COL10A1: variants seen among roughly 807,000 people sequenced by gnomAD.
The protein encoded by COL10A1 is collagen alpha-1(X) chain.
Under a neutral mutation model 18.2 loss-of-function variants are expected in COL10A1, and 10 were observed. The observed-to-expected ratio is 0.55, with a 90% confidence interval of 0.34 to 0.93. COL10A1 has a LOEUF of 0.93. Among genes scored for constraint, COL10A1 ranks in the 40% least tolerant of loss-of-function variants. The pLI is 0.02. For synonymous variants in COL10A1, 330 were observed against 316.6 expected (o/e 1.04, Z -0.45); for missense variants, 897 against 853.5 (o/e 1.05, Z -0.64).
At chr6:116,207,816 C>T in the COL10A1 span, among the ~76,000 whole-genome samples, 64,543 of 151,738 alleles carry the variant, frequency 0.43, 17,681 homozygotes, top group African/African-American at 0.78. Context: ...TATAAAGAGC[C>T]GCCCCAGGCT....
In COL10A1 at chr6:116,120,500, A is replaced by C; in HGVS notation, c.1616T>G (p.Leu539Arg). Residue 539 changes from leucine (L) to arginine (R), a missense_variant, in exon 3 of 3, where the codon CTT (leucine) becomes CGT (arginine). Coordinates refer to ENST00000651968, the MANE Select transcript of COL10A1 (RefSeq NM_000493.4). ...TGTTACCCCCTGGTTGGCACTAACA[A>C]GAGGGGTCCCAGAAAGACTGGGCCT... ...GQRPSLSGTP[L>R]VSANQGVTGM... 1.2e-6 allele frequency: 2 copies of C among 1,614,228 alleles called. No homozygotes were observed. The highest frequency in any genetic ancestry group is 1.7e-6 in the Non-Finnish European group (2 of 1,180,028).
rs59165804 is a variant in COL10A1 at position 116,147,000 on chromosome 6, AAT to A, written c.-16+11612_-16+11613del. ...TTTATATATGTATAAAATAATATAA[AAT>A]ATATATATATATTTTTAATCATGTA... On this transcript the variant is annotated intron_variant, in intron 1 of 1. Transcript: ENST00000418500. 2.7e-3 allele frequency among the ~76,000 whole-genome samples: 393 copies of A among 146,692 alleles called. 10 individuals carry two copies. In the South Asian group the frequency reaches 0.043, roughly 16 times the overall value.
upstream of COL10A1, among the ~76,000 whole-genome samples, chr6:116,130,109 A>G (rs768322851): frequency 4.6e-5 from 7 of 152,240 alleles, no homozygotes; most frequent in Non-Finnish European, 8.8e-5. Context: ...TGATTTTATC[A>G]TTTGTATTTT....
At position 116,120,413 on chromosome 6, in the gene COL10A1, G is replaced by A. The variant is rs191382529; in HGVS notation, c.1703C>T (p.Pro568Leu). ...ATACAAAATTTTATCAAATGGTATG[G>A]GAGTTCCTATTGCTGGGTAAGCTTT... is the stretch of plus-strand genomic sequence containing the variant. The part of the protein sequence containing the change: ...LSKAYPAIGT[P>L]IPFDKILYNR... Residue 568 changes from proline (P) to leucine (L), a missense_variant, in exon 3 of 3, where the codon CCC becomes CTC. Pro to Leu is a moderately conservative substitution (Grantham distance 98). Coordinates refer to ENST00000651968, the MANE Select transcript of COL10A1 (RefSeq NM_000493.4). The A allele has an allele frequency of 6.2e-6, 10 of 1,614,228 alleles. No individual in the cohort carries two copies. The Admixed American group carries it at 1.7e-4, about 27-fold the overall frequency.
the COL10A1 span, among the ~76,000 whole-genome samples, chr6:116,181,964 C>G: frequency 2.6e-5 from 4 of 151,940 alleles, no homozygotes; most frequent in African/African-American, 9.7e-5. Flanking sequence ...TTTTGGTGCA[C>G]CCATCACCTG....
At chr6:116,203,365 C>A in the COL10A1 span, among the ~76,000 whole-genome samples, 47 of 152,030 alleles carry the variant, frequency 3.1e-4, no homozygotes, top group Admixed American at 9.2e-4. Context: ...CCGCCAGAAG[C>A]TCTCTTCATG....
chr6:116,214,860 G>A, the COL10A1 span, among the ~76,000 whole-genome samples: 1 of 151,942 alleles, frequency 6.6e-6, no homozygotes, highest in Non-Finnish European at 1.5e-5. Flanking sequence ...TCACCATGGA[G>A]GCATAGACTC....
the COL10A1 span, among the ~76,000 whole-genome samples, chr6:116,171,194 G>A: frequency 1.3e-5 from 2 of 151,840 alleles, no homozygotes; most frequent in African/African-American, 2.4e-5. Context: ...TTATATTATT[G>A]TCACCACTAC....
intron 1 of COL10A1, among the ~76,000 whole-genome samples, chr6:116,143,999 A>T (rs1046871862): frequency 6.6e-6 from 1 of 152,158 alleles, no homozygotes; most frequent in African/African-American, 2.4e-5. Context: ...ACTTAGAAAG[A>T]TTAGGAGCTT....
chr6:116,194,091 G>A, the COL10A1 span, among the ~76,000 whole-genome samples: 2 of 151,884 alleles, frequency 1.3e-5, no homozygotes, highest in Non-Finnish European at 2.9e-5. Context: ...AATAAATAAA[G>A]TAAAAGCAAT....
the COL10A1 span, among the ~76,000 whole-genome samples, chr6:116,168,461 C>A: frequency 2.6e-5 from 4 of 151,884 alleles, no homozygotes; most frequent in African/African-American, 9.7e-5. Context: ...TTTTTCAATT[C>A]TCTGACAAAA....
chr6:116,182,492 C>T, the COL10A1 span, among the ~76,000 whole-genome samples: 4 of 152,128 alleles, frequency 2.6e-5, no homozygotes, highest in Admixed American at 1.3e-4. Context: ...TACTAGTTTA[C>T]ATACCCACCA....
At chr6:116,194,308 GT>G in the COL10A1 span, among the ~76,000 whole-genome samples, 3 of 152,080 alleles carry the variant, frequency 2.0e-5, no homozygotes, top group East Asian at 5.8e-4. Context: ...CACATTACTT[GT>G]TTTCACAACA....
intron 1 of COL10A1, among the ~76,000 whole-genome samples, chr6:116,134,439 A>G (rs1482282756): frequency 1.3e-5 from 2 of 152,182 alleles, no homozygotes; most frequent in Non-Finnish European, 2.9e-5. Flanking sequence ...TTCAAGGACT[A>G]TGGGTTATTT....
upstream of COL10A1, among the ~76,000 whole-genome samples, chr6:116,127,543 T>G (rs1251556756): frequency 1.3e-5 from 2 of 152,188 alleles, no homozygotes; most frequent in Non-Finnish European, 2.9e-5. Flanking sequence ...AATTATAATA[T>G]GTACTCTGCT....
At chr6:116,211,195 C>A in the COL10A1 span, among the ~76,000 whole-genome samples, 12 of 152,014 alleles carry the variant, frequency 7.9e-5, no homozygotes, top group South Asian at 6.2e-4. Context: ...TTCACCAGCT[C>A]TCACCGTTCC....
chr6:116,119,883 G>C lies in COL10A1; in HGVS notation c.*190C>G. Reference sequence around the variant, plus strand: ...ATTGCTAACTAGAAATTCAAGAGAGGCTTCACATACGTTTTTACGTTGCTG... The same window carrying C: ...ATTGCTAACTAGAAATTCAAGAGAGCCTTCACATACGTTTTTACGTTGCTG... On this transcript the variant is annotated 3_prime_UTR_variant, in exon 3 of 3. Coordinates refer to ENST00000651968, the MANE Select transcript of COL10A1 (RefSeq NM_000493.4). 1 of 601,292 alleles carries C rather than the reference G, an allele frequency of 1.7e-6. No homozygotes were observed. The highest frequency in any genetic ancestry group is 2.8e-5 in the East Asian group (1 of 36,072). 37.2% of individuals were successfully genotyped at this position (601,292 alleles called of 1,614,324 possible).
At chr6:116,154,272 C>T (rs1490801270) in intron 1 of COL10A1, among the ~76,000 whole-genome samples, 3 of 152,020 alleles carry the variant, frequency 2.0e-5, no homozygotes, top group Non-Finnish European at 2.9e-5. Flanking sequence ...AACAAAACAT[C>T]AACATAGCTG....
At chr6:116,131,437 G>A (rs1301805974) in intron 1 of COL10A1, among the ~76,000 whole-genome samples, 1 of 151,994 alleles carries the variant, frequency 6.6e-6, no homozygotes, top group Non-Finnish European at 1.5e-5. Flanking sequence ...TAAGTAAATG[G>A]CATCACAGTG....
Sources: allele counts gnomAD v4.1 joint callset (sites outside exome capture counted in the v4.1 genomes callset), GRCh38; gene constraint gnomAD v4.1.1; transcripts MANE v1.5; gene names NCBI Gene and HGNC (gene_info 2026-07-23, HGNC 2026-07-21).